SPEF2: variants seen among roughly 807,000 people sequenced by gnomAD.
The protein encoded by SPEF2 is sperm flagella and cilia-associated protein 2.
Under a neutral mutation model 224.6 loss-of-function variants are expected in SPEF2, and 187 were observed. The observed-to-expected ratio is 0.83, with a 90% confidence interval of 0.74 to 0.94. The LOEUF (loss-of-function observed/expected upper bound fraction) is 0.94. SPEF2 is among the 40% of genes least tolerant of loss of function. The probability of loss-of-function intolerance (pLI) is 0.00; values close to 1 mark genes in which losing one functional copy is unlikely to be tolerated. For synonymous variants in SPEF2, 715 were observed against 707.3 expected, an observed-to-expected ratio of 1.01 and a Z score of -0.17; for missense variants, 2,170 against 2,135.6, an observed-to-expected ratio of 1.02 and a Z score of -0.32.
rs1448587976 is a variant in SPEF2, at chr5:35,759,423, T to C, written c.3469-145T>C. ...TTTAATGAAAATCTTAGATATAGAC[T>C]TGTAACTAATGTTCCTTCTTATTTC... On this transcript the variant is annotated intron_variant, in intron 24 of 36. Coordinates refer to ENST00000356031, the MANE Select transcript of SPEF2 (RefSeq NM_024867.4). The C allele has an allele frequency of 4.6e-6, 3 of 648,054 alleles. No homozygotes were observed. In the African/African-American group the frequency reaches 5.5e-5, roughly 12 times the overall value. The allele number at this position is 648,054 out of a possible 1,614,324, so 40.1% of individuals were successfully genotyped here. A position where few individuals can be genotyped will look rare whatever the true frequency, so the allele number is the denominator to read the frequency against.
At chr5:35,793,121 A>G in intron 31 of SPEF2, 38 bp from the exon 32 acceptor site, 1 of 1,573,640 alleles carries the variant, frequency 6.4e-7, no homozygotes, top group Non-Finnish European at 8.7e-7. Context: ...AGATAGATTC[A>G]TGTAGATATT....
intron 23 of SPEF2, among the ~76,000 whole-genome samples, chr5:35,745,745 G>A (rs1748417523): frequency 6.6e-6 from 1 of 152,192 alleles, no homozygotes; most frequent in Non-Finnish European, 1.5e-5. Context: ...CACCCTGGTA[G>A]TGGAAGACAA....
chr5:35,727,908 A>T (rs1744949213), intron 21 of SPEF2, 85 bp downstream of exon 21: 15 of 1,446,614 alleles, frequency 1.0e-5, no homozygotes, highest in Non-Finnish European at 1.4e-5. Context: ...CAACATCCTG[A>T]AGGCCTTTTA....
chr5:35,800,844 G>A (rs1757320785), intron 34 of SPEF2, among the ~76,000 whole-genome samples: 1 of 152,154 alleles, frequency 6.6e-6, no homozygotes, highest in Non-Finnish European at 1.5e-5. Context: ...TAGAAACAGA[G>A]GGGAAAAGAT....
chr5:35,636,835 G>T (rs1745893429), intron 2 of SPEF2, among the ~76,000 whole-genome samples: 1 of 151,966 alleles, frequency 6.6e-6, no homozygotes, highest in African/African-American at 2.4e-5. Context: ...AATTAGCTGG[G>T]TATGGTGGTG....
At chr5:35,741,587 C>T (rs1272193838) in intron 23 of SPEF2, among the ~76,000 whole-genome samples, 1 of 152,134 alleles carries the variant, frequency 6.6e-6, no homozygotes, top group Non-Finnish European at 1.5e-5. Flanking sequence ...GGAAGCATTG[C>T]TATCTGGTTT....
chr5:35,638,522 C>G (rs1381579094), intron 2 of SPEF2, among the ~76,000 whole-genome samples: 1 of 152,114 alleles, frequency 6.6e-6, no homozygotes, highest in East Asian at 1.9e-4. Flanking sequence ...TGTATTTATT[C>G]TGAAATGCCA....
intron 23 of SPEF2, among the ~76,000 whole-genome samples, chr5:35,749,153 G>C (rs1483153289): frequency 1.3e-5 from 2 of 151,992 alleles, no homozygotes; most frequent in Non-Finnish European, 2.9e-5. Context: ...ATCCAGCATG[G>C]CTTTATGATT....
chr5:35,814,496 T>A lies in SPEF2; in HGVS notation c.5412T>A (p.His1804Gln), dbSNP rs780553628. 6.2e-7 allele frequency: 1 copy of A among 1,608,520 alleles called. No homozygotes were observed. Among genetic ancestry groups the A allele is most frequent in the African/African-American group, 1.3e-5 (1 of 74,712 alleles). Residue 1804 changes from histidine to glutamine, a missense_variant, in exon 37 of 37, where the codon CAT (histidine) becomes CAA (glutamine). By Grantham distance (24) the His-to-Gln change is conservative (BLOSUM62 0). Transcript: ENST00000356031. ...AAATAATTCTCCAAAGGAGTGAACA[T>A]GTACAAGGAAGTGATGGAGAGAGAT... ...DIKIILQRSE[H>Q]VQGSDGERSP... is the part of the protein sequence containing the mutation.
intron 10 of SPEF2, among the ~76,000 whole-genome samples, chr5:35,681,696 A>T (rs1554029662): frequency 6.6e-6 from 1 of 152,082 alleles, no homozygotes; most frequent in Non-Finnish European, 1.5e-5. Context: ...GATTTCATAA[A>T]TTTTTTTTGT....
intron 20 of SPEF2, among the ~76,000 whole-genome samples, chr5:35,713,116 T>C (rs1741511299): frequency 2.0e-5 from 3 of 152,184 alleles, no homozygotes; most frequent in African/African-American, 7.2e-5. Context: ...CAATATCTAA[T>C]ATACAGAATA....
intron 20 of SPEF2, among the ~76,000 whole-genome samples, chr5:35,718,910 T>A (rs1342394743): frequency 6.6e-6 from 1 of 152,198 alleles, no homozygotes; most frequent in South Asian, 2.1e-4. Context: ...GGGAGTTACA[T>A]GGACTCCTTA....
intron 8 of SPEF2, among the ~76,000 whole-genome samples, chr5:35,664,964 T>C (rs1750270437): frequency 6.6e-6 from 1 of 152,220 alleles, no homozygotes; most frequent in African/African-American, 2.4e-5. Context: ...AAAACTATTC[T>C]ATATTAAGAC....
chr5:35,692,733 G>C lies in SPEF2; in HGVS notation c.1899+9G>C. On this transcript the variant is annotated intron_variant, in intron 12 of 36. Coordinates refer to ENST00000356031, the MANE Select transcript of SPEF2 (RefSeq NM_024867.4). ...AGATTAAAGAAAGCCAGGCAAGTGT[G>C]ATTCTAGTTTTCTCTTCTGCGCCTA... The C allele has an allele frequency of 6.2e-7, 1 of 1,609,220 alleles. No individual in the cohort carries two copies. Among genetic ancestry groups the C allele is most frequent in the South Asian group, 1.1e-5 (1 of 90,416 alleles).
chr5:35,694,760 A>G (rs955007797), intron 13 of SPEF2, among the ~76,000 whole-genome samples: 4 of 152,120 alleles, frequency 2.6e-5, no homozygotes, highest in Non-Finnish European at 5.9e-5. Flanking sequence ...TGTATTGCAG[A>G]AGGCTGTAGG....
chr5:35,743,121 A>G (rs1747943480), intron 23 of SPEF2, among the ~76,000 whole-genome samples: 1 of 151,494 alleles, frequency 6.6e-6, no homozygotes, highest in African/African-American at 2.4e-5. Context: ...ATATTTAGCT[A>G]CGTGGTTAGA....
intron 6 of SPEF2, among the ~76,000 whole-genome samples, chr5:35,652,116 A>G (rs1748278436): frequency 6.6e-6 from 1 of 152,232 alleles, no homozygotes; most frequent in African/African-American, 2.4e-5. Flanking sequence ...AGGTCTGGCA[A>G]GCAAACAGAT....
chr5:35,712,065 G>T (rs894366382), intron 19 of SPEF2, among the ~76,000 whole-genome samples: 1 of 151,898 alleles, frequency 6.6e-6, no homozygotes, highest in Non-Finnish European at 1.5e-5. Context: ...CTATATCCCA[G>T]GGAATTTAAG....
intron 4 of SPEF2, among the ~76,000 whole-genome samples, chr5:35,646,109 C>T (rs549566664): frequency 6.6e-6 from 1 of 152,240 alleles, no homozygotes; most frequent in South Asian, 2.1e-4. Flanking sequence ...ATAACTACTG[C>T]CTACATACAG....
Sources: gnomAD v4.1 joint callset for allele counts (sites outside exome capture counted in the v4.1 genomes callset) on GRCh38, gnomAD v4.1.1 for gene constraint, MANE v1.5 for transcripts, NCBI Gene and HGNC (gene_info 2026-07-23, HGNC 2026-07-21) for gene names.